The following EYA1 variants were observed in gnomAD, a reference collection of about 807,000 sequenced individuals.
EYA1 encodes the protein protein phosphatase EYA1.
A neutral mutation model predicts 82.0 loss-of-function variants in EYA1; 16 were observed. That is an observed-to-expected ratio of 0.20 (90% confidence interval 0.13 to 0.30). The LOEUF (loss-of-function observed/expected upper bound fraction) is 0.30, where lower values mean the gene tolerates loss of function less well. Among genes scored for constraint, EYA1 ranks in the 10% least tolerant of loss-of-function variants. EYA1 has a pLI of 1.00. For synonymous variants in EYA1, 261 were observed against 264.4 expected (o/e 0.99, Z 0.12); for missense variants, 633 against 730.7 (o/e 0.87, Z 1.54).
At chr8:71,210,586 A>C (rs1352832826) in intron 17 of EYA1, among the ~76,000 whole-genome samples, 1 of 152,248 alleles carries the variant, frequency 6.6e-6, no homozygotes, top group African/African-American at 2.4e-5. Flanking sequence ...TCAGAAGAAT[A>C]TAATGAACAG....
At chr8:71,246,038 T>C (rs547487855) in intron 11 of EYA1, among the ~76,000 whole-genome samples, 96 of 152,348 alleles carry the variant, frequency 6.3e-4, no homozygotes, top group African/African-American at 2.2e-3. Context: ...CTGTATTTAC[T>C]GTGTATCAAA....
intron 9 of EYA1, among the ~76,000 whole-genome samples, chr8:71,273,513 A>G (rs1490438331): frequency 6.6e-6 from 1 of 152,224 alleles, no homozygotes; most frequent in African/African-American, 2.4e-5. Flanking sequence ...CATGTTTTAA[A>G]GAGAATCAGC....
intron 8 of EYA1, 21 bp from the exon 9 acceptor site, chr8:71,299,254 A>T: frequency 6.2e-7 from 1 of 1,612,296 alleles, no homozygotes; most frequent in Non-Finnish European, 8.5e-7. Context: ...AAACCACACA[A>T]GAATTGTCTG....
chr8:71,463,237 C>T (rs1808500255), intron 2 of EYA1, among the ~76,000 whole-genome samples: 1 of 152,154 alleles, frequency 6.6e-6, no homozygotes, highest in South Asian at 2.1e-4. Flanking sequence ...ACTAAAGGTA[C>T]ATGGTTTTCT....
intron 16 of EYA1, among the ~76,000 whole-genome samples, chr8:71,212,414 C>G (rs1390188938): frequency 2.0e-5 from 3 of 152,160 alleles, no homozygotes; most frequent in African/African-American, 7.2e-5. Flanking sequence ...CAAAAATATA[C>G]AACCAAAAAC....
chr8:71,269,874 G>A, intron 10 of EYA1, 51 bp from the exon 11 acceptor site: 1 of 1,392,680 alleles, frequency 7.2e-7, no homozygotes, highest in Non-Finnish European at 1.0e-6. Context: ...TGAGAAAGCT[G>A]TTATTCAGTT....
chr8:71,438,937 G>A (rs530063145), intron 2 of EYA1, among the ~76,000 whole-genome samples: 1 of 152,174 alleles, frequency 6.6e-6, no homozygotes, highest in South Asian at 2.1e-4. Context: ...AAAATCCTGA[G>A]ATAAGAATTG....
chr8:71,366,876 T>C (rs1299310704), upstream of EYA1, among the ~76,000 whole-genome samples: 2 of 152,150 alleles, frequency 1.3e-5, no homozygotes, highest in Non-Finnish European at 2.9e-5. Flanking sequence ...TGATAGCCCA[T>C]AAAGTTAATA....
intron 6 of EYA1, among the ~76,000 whole-genome samples, chr8:71,318,400 G>A (rs1022099343): frequency 3.3e-5 from 5 of 152,124 alleles, no homozygotes; most frequent in African/African-American, 1.2e-4. Flanking sequence ...TGAAATATTT[G>A]ACTATAATTG....
At chr8:71,251,546 C>T (rs890702668) in intron 11 of EYA1, among the ~76,000 whole-genome samples, 1 of 152,156 alleles carries the variant, frequency 6.6e-6, no homozygotes, top group Non-Finnish European at 1.5e-5. Context: ...CCTAGGCTAC[C>T]CATGGCTGTT....
At chr8:71,362,171 T>C, upstream of EYA1, 17 of 979,642 alleles carry the variant, frequency 1.7e-5, no homozygotes, top group Non-Finnish European at 2.1e-5. Context: ...TTTTTTTTTT[T>C]TTTTTTTTTG....
At chr8:71,542,052 A>G (rs978753041) in intron 1 of EYA1, among the ~76,000 whole-genome samples, 8 of 152,186 alleles carry the variant, frequency 5.3e-5, no homozygotes, top group African/African-American at 1.9e-4. Flanking sequence ...GAGAAGAGAT[A>G]CAAAATATCT....
intron 2 of EYA1, among the ~76,000 whole-genome samples, chr8:71,517,495 T>A (rs965411922): frequency 4.0e-5 from 6 of 151,498 alleles, no homozygotes; most frequent in Non-Finnish European, 7.4e-5. Flanking sequence ...AAATGACAAA[T>A]CTATGAATGC....
chr8:71,519,196 C>T (rs945503978), intron 2 of EYA1, among the ~76,000 whole-genome samples: 1 of 152,130 alleles, frequency 6.6e-6, no homozygotes, highest in African/African-American at 2.4e-5. Flanking sequence ...TTTGTTACAC[C>T]TAGACAGTGC....
At chr8:71,235,879 A>G (rs951297802) in intron 12 of EYA1, among the ~76,000 whole-genome samples, 1 of 152,186 alleles carries the variant, frequency 6.6e-6, no homozygotes, top group African/African-American at 2.4e-5. Flanking sequence ...ACTTGTAAAT[A>G]TTACCTTTAA....
At chr8:71,268,897 T>G (rs1586096333) in intron 11 of EYA1, among the ~76,000 whole-genome samples, 2 of 152,324 alleles carry the variant, frequency 1.3e-5, no homozygotes, top group East Asian at 1.9e-4. Flanking sequence ...GATAAACTGC[T>G]GAAGTCACTG....
intron 4 of EYA1, among the ~76,000 whole-genome samples, chr8:71,327,320 A>G (rs780203834): frequency 6.6e-6 from 1 of 152,194 alleles, no homozygotes. Flanking sequence ...GAGAAACCAT[A>G]TTTGTTACAC....
chr8:71,317,404 A>G, intron 7 of EYA1, 148 bp downstream of exon 7: 1 of 768,490 alleles, frequency 1.3e-6, no homozygotes, highest in Non-Finnish European at 2.2e-6. Context: ...TAGGTAAGTG[A>G]TGAATCAAAC....
At chr8:71,351,245 A>G (rs1826277347) in intron 3 of EYA1, among the ~76,000 whole-genome samples, 1 of 152,344 alleles carries the variant, frequency 6.6e-6, no homozygotes, top group Admixed American at 6.5e-5. Flanking sequence ...CAGTTGAAAG[A>G]CGGGCCATGA....
Sources: gnomAD v4.1 joint callset for allele counts (sites outside exome capture counted in the v4.1 genomes callset) on GRCh38, gnomAD v4.1.1 for gene constraint, MANE v1.5 for transcripts, NCBI Gene and HGNC (gene_info 2026-07-23, HGNC 2026-07-21) for gene names.